Variants in PRKCA observed in about 807,000 individuals in gnomAD.
PRKCA encodes the protein protein kinase C alpha type.
In PRKCA, 27 loss-of-function variants were observed where a neutral mutation model predicts 87.0. That is an observed-to-expected ratio of 0.31 (90% CI 0.23 to 0.43). PRKCA has a LOEUF of 0.43. Among genes scored for constraint, PRKCA ranks in the 20% least tolerant of loss-of-function variants. The probability of loss-of-function intolerance (pLI) is 1.00; values close to 1 mark genes in which losing one functional copy is unlikely to be tolerated. For synonymous variants in PRKCA, 329 were observed against 311.1 expected (o/e 1.06, Z -0.61); for missense variants, 518 against 852.3 (o/e 0.61, Z 4.88).
chr17:66,722,717 T>C (rs1318314235), intron 8 of PRKCA, among the ~76,000 whole-genome samples: 1 of 152,196 alleles, frequency 6.6e-6, no homozygotes, highest in Non-Finnish European at 1.5e-5. Context: ...CCAAGTGGCA[T>C]CACAATGCCA....
At chr17:66,338,274 A>C (rs1906829065) in intron 2 of PRKCA, among the ~76,000 whole-genome samples, 1 of 152,024 alleles carries the variant, frequency 6.6e-6, no homozygotes, top group Admixed American at 6.6e-5. Context: ...CAAGCTTGTC[A>C]CTACTCATTT....
rs540221531 is a variant in PRKCA, at chr17:66,368,114, A to G, written c.205+61987A>G. On this transcript the variant is annotated intron_variant, in intron 2 of 16. Coordinates refer to ENST00000413366, the MANE Select transcript of PRKCA (RefSeq NM_002737.3). Reference sequence around the variant, plus strand: ...CCATCCATTCAGTGGCATTTCTACCAGAACATCTGTGTAAGAGATTGAAGG... The same window carrying G: ...CCATCCATTCAGTGGCATTTCTACCGGAACATCTGTGTAAGAGATTGAAGG... Among the ~76,000 whole-genome samples the G allele has an allele frequency of 5.3e-5, 8 of 152,198 alleles. 1 individual carries two copies. In the East Asian group the frequency reaches 1.5e-3, roughly 29 times the overall value.
At chr17:66,566,224 A>G (rs1968884696) in intron 3 of PRKCA, among the ~76,000 whole-genome samples, 1 of 152,134 alleles carries the variant, frequency 6.6e-6, no homozygotes, top group South Asian at 2.1e-4. Context: ...TCCTTCTTTC[A>G]GAGTGACCCA....
intron 13 of PRKCA, among the ~76,000 whole-genome samples, chr17:66,763,446 G>C (rs780121515): frequency 6.6e-6 from 1 of 152,202 alleles, no homozygotes; most frequent in African/African-American, 2.4e-5. Context: ...GTTCAGGCCT[G>C]TCTTCTTTCT....
At chr17:66,547,141 C>T (rs902881094) in intron 3 of PRKCA, among the ~76,000 whole-genome samples, 3 of 152,138 alleles carry the variant, frequency 2.0e-5, no homozygotes, top group Admixed American at 1.3e-4. Flanking sequence ...ACTTAGGTAT[C>T]GTGTTTATGT....
At chr17:66,495,276 C>T (rs1916422197) in intron 2 of PRKCA, among the ~76,000 whole-genome samples, 1 of 152,110 alleles carries the variant, frequency 6.6e-6, no homozygotes, top group Non-Finnish European at 1.5e-5. Flanking sequence ...AGCAAAAAGA[C>T]AGATATAGGA....
intron 3 of PRKCA, among the ~76,000 whole-genome samples, chr17:66,564,012 TTCTC>T (rs781227674): frequency 4.1e-5 from 6 of 146,764 alleles, no homozygotes; most frequent in Admixed American, 6.9e-5. Flanking sequence ...CCTCCTTTCT[TTCTC>T]TCTCTCTTTC....
At chr17:66,347,985 A>C (rs1179078659) in intron 2 of PRKCA, among the ~76,000 whole-genome samples, 1 of 95,780 alleles carries the variant, frequency 1.0e-5, no homozygotes, top group African/African-American at 3.8e-5. Flanking sequence ...CTCTGTGCCC[A>C]GGCTGGAGTG....
intron 3 of PRKCA, among the ~76,000 whole-genome samples, chr17:66,627,812 C>G (rs961845364): frequency 6.6e-6 from 1 of 152,128 alleles, no homozygotes; most frequent in African/African-American, 2.4e-5. Context: ...AGTATCCCCC[C>G]CCAAAAAATT....
Position 66,595,463 on chromosome 17 carries a change from C to CTTTTTTTTTTTTTTTT in PRKCA, c.289-45891_289-45876dup, listed in dbSNP as rs374376124. Among the ~76,000 whole-genome samples, 25 of 116,554 alleles carry CTTTTTTTTTTTTTTTT rather than the reference C, an allele frequency of 2.1e-4. 1 individual carries two copies. Among genetic ancestry groups the CTTTTTTTTTTTTTTTT allele is most frequent in the African/African-American group, 4.5e-4 (13 of 28,922 alleles). 76.5% of individuals were successfully genotyped at this position (116,554 alleles called of 152,430 possible). A position where few individuals can be genotyped will look rare whatever the true frequency, so the allele number is the denominator to read the frequency against. On this transcript the variant is annotated intron_variant, in intron 3 of 16. Transcript: ENST00000413366. ...AACTCTATTTTATTTTCTTTTCCTT[C>CTTTTTTTTTTTTTTTT]TTTTTTTTTTTTTTTTGAGACAGTC...
intron 3 of PRKCA, among the ~76,000 whole-genome samples, chr17:66,612,380 T>G (rs1598813681): frequency 2.9e-5 from 1 of 34,752 alleles, no homozygotes; most frequent in Non-Finnish European, 5.0e-5. Flanking sequence ...AAAATCTGTC[T>G]CAAAAAAAAA....
intron 3 of PRKCA, among the ~76,000 whole-genome samples, chr17:66,614,871 A>G (rs1461847136): frequency 6.6e-6 from 1 of 152,228 alleles, no homozygotes; most frequent in East Asian, 1.9e-4. Flanking sequence ...CATATCAGTT[A>G]AGAATTGGAT....
intron 16 of PRKCA, among the ~76,000 whole-genome samples, chr17:66,791,981 A>T (rs1975549547): frequency 6.6e-6 from 1 of 152,196 alleles, no homozygotes; most frequent in Non-Finnish European, 1.5e-5. Flanking sequence ...TCAAAGAGAG[A>T]TGTAGCAATG....
At chr17:66,624,211 C>T (rs1567938717) in intron 3 of PRKCA, among the ~76,000 whole-genome samples, 1 of 151,944 alleles carries the variant, frequency 6.6e-6, no homozygotes, top group Non-Finnish European at 1.5e-5. Context: ...GGGAAGGAAG[C>T]CACCGAGAGG....
intron 13 of PRKCA, among the ~76,000 whole-genome samples, chr17:66,748,260 C>A (rs1974344812): frequency 6.6e-6 from 1 of 152,188 alleles, no homozygotes; most frequent in South Asian, 2.1e-4. Flanking sequence ...CCCACTGATG[C>A]CTGGGACAGC....
intron 3 of PRKCA, among the ~76,000 whole-genome samples, chr17:66,609,842 AAACT>A (rs1970302155): frequency 6.6e-6 from 1 of 152,138 alleles, no homozygotes; most frequent in African/African-American, 2.4e-5. Context: ...CAGGAAAAAC[AAACT>A]AACAAGTGTT....
intron 5 of PRKCA, among the ~76,000 whole-genome samples, chr17:66,653,187 T>A (rs2143855274): frequency 6.6e-6 from 1 of 152,334 alleles, no homozygotes; most frequent in East Asian, 1.9e-4. Context: ...GAGCCACTAG[T>A]GGTCTATGTC....
chr17:66,349,370 C>G (rs915684640), intron 2 of PRKCA, among the ~76,000 whole-genome samples: 4 of 152,142 alleles, frequency 2.6e-5, no homozygotes, highest in Admixed American at 2.0e-4. Flanking sequence ...TGCTACCCCC[C>G]GCATTTGGCA....
Position 66,767,838 on chromosome 17 carries a change from T to C in PRKCA, c.1525-6149T>C, listed in dbSNP as rs1047359755. On this transcript the variant is annotated intron_variant, in intron 13 of 16. Coordinates refer to ENST00000413366, the MANE Select transcript of PRKCA (RefSeq NM_002737.3). ...CCAAAGCAGAGGAGATTATGAAATG[T>C]AGGGGAGCACATGGGCTGTTTGGGG... Among the ~76,000 whole-genome samples the C allele has an allele frequency of 2.6e-5, 4 of 152,148 alleles. No individual in the cohort carries two copies. The East Asian group carries it at 7.7e-4, about 29-fold the overall frequency.
Sources: allele counts gnomAD v4.1 joint callset (sites outside exome capture counted in the v4.1 genomes callset), GRCh38; gene constraint gnomAD v4.1.1; transcripts MANE v1.5; gene names NCBI Gene and HGNC (gene_info 2026-07-23, HGNC 2026-07-21).